The following TBC1D19 variants were observed in gnomAD, a reference collection of about 807,000 sequenced individuals.
TBC1D19 encodes the protein TBC1 domain family member 19.
TBC1D19 carries 60 observed loss-of-function variants against 89.0 expected under a neutral mutation model. The observed-to-expected ratio is 0.67, with a 90% CI of 0.55 to 0.84. The LOEUF (loss-of-function observed/expected upper bound fraction) is 0.84. Among genes scored for constraint, TBC1D19 ranks in the 40% least tolerant of loss-of-function variants. TBC1D19 has a pLI of 0.00. For missense variants in TBC1D19, 500 were observed against 610.8 expected, an observed-to-expected ratio of 0.82 and a Z score of 1.91; for synonymous variants, 189 against 199.7, an observed-to-expected ratio of 0.95 and a Z score of 0.45.
At chr4:26,599,950 CAAAAAAAA>C (rs36092049) in intron 1 of TBC1D19, among the ~76,000 whole-genome samples, 4 of 72,788 alleles carry the variant, frequency 5.5e-5, no homozygotes, top group Middle Eastern at 0.011. Context: ...TCTGTCTCTC[CAAAAAAAA>C]AAAAAAAAAA....
At chr4:26,622,884 T>G (rs1441614262) in intron 4 of TBC1D19, among the ~76,000 whole-genome samples, 1 of 152,176 alleles carries the variant, frequency 6.6e-6, no homozygotes, top group African/African-American at 2.4e-5. Flanking sequence ...AATTATTCAT[T>G]CTTCAATAGC....
chr4:26,850,311 G>A, the TBC1D19 span, among the ~76,000 whole-genome samples: 1 of 151,930 alleles, frequency 6.6e-6, no homozygotes, highest in African/African-American at 2.4e-5. Flanking sequence ...CACTTTGGGA[G>A]GCTGAGGCAG....
the TBC1D19 span, among the ~76,000 whole-genome samples, chr4:26,800,740 A>C: frequency 6.6e-6 from 1 of 151,934 alleles, no homozygotes; most frequent in Non-Finnish European, 1.5e-5. Context: ...TTTGATTTGC[A>C]TTTCTCTGTT....
At chr4:26,694,498 G>T (rs1385400978) in intron 13 of TBC1D19, among the ~76,000 whole-genome samples, 4 of 152,232 alleles carry the variant, frequency 2.6e-5, no homozygotes, top group Admixed American at 2.6e-4. Context: ...AAAGGCAGCA[G>T]AAACCTCTGC....
At chr4:26,764,165 T>A in the TBC1D19 span, among the ~76,000 whole-genome samples, 19 of 152,228 alleles carry the variant, frequency 1.2e-4, no homozygotes, top group Non-Finnish European at 2.6e-4. Context: ...TTTTAAGATA[T>A]TTATCAATGT....
chr4:26,584,347 C>G, intron 1 of TBC1D19, 55 bp downstream of exon 1: 3 of 1,508,482 alleles, frequency 2.0e-6, no homozygotes, highest in Non-Finnish European at 2.7e-6. Flanking sequence ...GGCGATGTCT[C>G]TTCTTCACCC....
the TBC1D19 span, among the ~76,000 whole-genome samples, chr4:26,804,628 G>A: frequency 6.6e-6 from 1 of 152,142 alleles, no homozygotes; most frequent in Non-Finnish European, 1.5e-5. Context: ...AGACCCCACC[G>A]GGCGCAGCCC....
intron 13 of TBC1D19, among the ~76,000 whole-genome samples, chr4:26,698,080 T>G (rs1221919328): frequency 6.6e-6 from 1 of 152,190 alleles, no homozygotes; most frequent in African/African-American, 2.4e-5. Context: ...TTGCCCCTGT[T>G]TGCAGATGAC....
chr4:26,857,738 C>A, the TBC1D19 span: 1 of 152,244 alleles, frequency 6.6e-6, no homozygotes, highest in Admixed American at 6.5e-5. Context: ...AGTCGGGAAC[C>A]GGTTCTCCGA....
chr4:26,834,852 T>A, the TBC1D19 span, among the ~76,000 whole-genome samples: 1 of 152,308 alleles, frequency 6.6e-6, no homozygotes, highest in Non-Finnish European at 1.5e-5. Context: ...CACATTTAGA[T>A]GGTCAAGCAA....
the TBC1D19 span, among the ~76,000 whole-genome samples, chr4:26,840,137 A>G: frequency 1.3e-5 from 2 of 151,460 alleles, no homozygotes; most frequent in African/African-American, 4.9e-5. Context: ...GCTGGAGTGC[A>G]GTGGTGTGAC....
chr4:26,618,605 A>T (rs1741841316), intron 3 of TBC1D19, among the ~76,000 whole-genome samples: 1 of 152,160 alleles, frequency 6.6e-6, no homozygotes, highest in South Asian at 2.1e-4. Context: ...ATTGTAAGTA[A>T]AATAGTAACA....
rs1008009986 is a variant in TBC1D19, at chr4:26,584,378, C to G, written c.99+86C>G. 4.9e-6 allele frequency: 6 copies of G among 1,222,878 alleles called. No individual in the cohort carries two copies. In the African/African-American group the frequency reaches 8.9e-5, roughly 18 times the overall value. The allele number at this position is 1,222,878 out of a possible 1,614,324, so 75.8% of individuals were successfully genotyped here. ...CACCCTCCTCACCCAAGCCAGAGCT[C>G]GCCTCTGACCTCTCCAGCTCCGCTC... On this transcript the variant is annotated intron_variant, in intron 1 of 20. Transcript: ENST00000264866.
At chr4:26,719,778 T>C (rs1011123164) in intron 14 of TBC1D19, among the ~76,000 whole-genome samples, 3 of 152,124 alleles carry the variant, frequency 2.0e-5, no homozygotes, top group Admixed American at 6.6e-5. Context: ...GCAAAACAAT[T>C]TTATGCATAA....
At chr4:26,692,666 A>G (rs1055692987) in intron 13 of TBC1D19, among the ~76,000 whole-genome samples, 3 of 152,204 alleles carry the variant, frequency 2.0e-5, no homozygotes, top group Non-Finnish European at 4.4e-5. Flanking sequence ...TGAAGATTTT[A>G]ATAGCAAACA....
chr4:26,786,761 A>ATGGG, the TBC1D19 span, among the ~76,000 whole-genome samples: 4 of 142,384 alleles, frequency 2.8e-5, no homozygotes, highest in African/African-American at 1.0e-4. Flanking sequence ...GCCTGGATGG[A>ATGGG]TGGATGGATG....
intron 7 of TBC1D19, among the ~76,000 whole-genome samples, chr4:26,651,379 T>A (rs1744366549): frequency 6.6e-6 from 1 of 152,150 alleles, no homozygotes; most frequent in Non-Finnish European, 1.5e-5. Context: ...GTTTGTATCC[T>A]CTTTTATTTC....
At chr4:26,673,471 A>ACACACACACACACACT in intron 10 of TBC1D19, among the ~76,000 whole-genome samples, 1 of 149,274 alleles carries the variant, frequency 6.7e-6, no homozygotes, top group African/African-American at 2.5e-5. Flanking sequence ...ACACACACAC[A>ACACACACACACACACT]CACAATACTA....
chr4:26,830,204 C>A, the TBC1D19 span, among the ~76,000 whole-genome samples: 5 of 152,196 alleles, frequency 3.3e-5, no homozygotes, highest in Admixed American at 2.6e-4. Flanking sequence ...AAATTACCCC[C>A]CCTTTTTGCC....
Sources: allele counts gnomAD v4.1 joint callset (sites outside exome capture counted in the v4.1 genomes callset), GRCh38; gene constraint gnomAD v4.1.1; transcripts MANE v1.5; gene names NCBI Gene and HGNC (gene_info 2026-07-23, HGNC 2026-07-21).